Variants in ZSCAN9 observed in about 807,000 individuals in gnomAD.
ZSCAN9 encodes zinc finger and SCAN domain-containing protein 9.
ZSCAN9 carries 19 observed loss-of-function variants against 23.0 expected under a neutral mutation model. The observed-to-expected ratio is 0.83, with a 90% confidence interval of 0.58 to 1.21. ZSCAN9 has a LOEUF of 1.21. ZSCAN9 is among the 50% of genes most tolerant of loss of function. ZSCAN9 has a pLI of 0.00. For synonymous variants in ZSCAN9, 155 were observed against 164.8 expected (o/e 0.94, Z 0.46); for missense variants, 467 against 471.5 (o/e 0.99, Z 0.09).
At chr6:28,231,976 G>A (rs538746381) in intron 3 of ZSCAN9, among the ~76,000 whole-genome samples, 2 of 152,292 alleles carry the variant, frequency 1.3e-5, no homozygotes, top group Admixed American at 6.5e-5. Context: ...AGAGAGAGGT[G>A]TAAGGGAATA....
In ZSCAN9 at chr6:28,227,424, G is replaced by A. The variant is rs768832871; in HGVS notation, c.340G>A (p.Glu114Lys). The change falls in exon 2 of 4, where the codon GAA becomes AAA. Residue 114 changes from glutamate (E) to lysine (K), a missense_variant. Transcript: ENST00000252207. ...CAAGGAGCTCCAGGGCTGGGTGAGGGAACACTGTCCAGAGAGTGGAGAAGA... is the reference window on the plus strand; with the variant it reads ...CAAGGAGCTCCAGGGCTGGGTGAGGAAACACTGTCCAGAGAGTGGAGAAGA... ...LPKELQGWVR[E>K]HCPESGEEAV... 1 of 1,614,188 alleles carries A rather than the reference G, an allele frequency of 6.2e-7. No homozygotes were observed. Among genetic ancestry groups the A allele is most frequent in the Non-Finnish European group, 8.5e-7 (1 of 1,180,026 alleles).
At chr6:28,228,065 C>T in intron 3 of ZSCAN9, 1 of 697,712 alleles carries the variant, frequency 1.4e-6, no homozygotes, top group Non-Finnish European at 2.6e-6. Flanking sequence ...ATGCATGGTA[C>T]ATGAGGAAGG....
Position 28,227,166 on chromosome 6 carries a change from GA to G in ZSCAN9, c.84del (p.Ala29GlnfsTer12). 3 of 1,614,160 alleles carry G rather than the reference GA, an allele frequency of 1.9e-6. No homozygotes were observed. On this transcript the variant is annotated frameshift_variant, in exon 2 of 4. Coordinates refer to ENST00000252207, the MANE Select transcript of ZSCAN9 (RefSeq NM_006299.5). LOFTEE classifies it high-confidence loss of function. ...GGAAGAACTTCTGACAATGAAAGTG[GA>G]AGCAAAAAGTCACCTTCAATGGCAG... ...AWEELLTMKV[E>X]AKSHLQWQES...
Position 28,227,112 on chromosome 6 carries a change from TC to T in ZSCAN9, c.31del (p.Leu11TrpfsTer13). 1 of 1,614,192 alleles carries T rather than the reference TC, an allele frequency of 6.2e-7. No individual in the cohort carries two copies. The highest frequency in any genetic ancestry group is 8.5e-7 in the Non-Finnish European group (1 of 1,180,014). ...GAATACAAACTCAAAGGAGGTTTTA[TC>T]CCTGGGTGTTCAAGTTCCCGAGGCA... MNTNSKEVL[S>X]LGVQVPEAWE... On this transcript the variant is annotated frameshift_variant, in exon 2 of 4. Transcript: ENST00000252207. LOFTEE classifies it high-confidence loss of function.
At position 28,232,595 on chromosome 6, in the gene ZSCAN9, T is replaced by C; in HGVS notation, c.602T>C (p.Val201Ala). 1 of 1,614,050 alleles carries C rather than the reference T, an allele frequency of 6.2e-7. No individual in the cohort carries two copies. The highest frequency in any genetic ancestry group is 8.5e-7 in the Non-Finnish European group (1 of 1,179,938). The change falls in exon 4 of 4, where the codon GTG becomes GCG. Residue 201 changes from valine (V) to alanine (A), a missense_variant. Val to Ala is a moderately conservative substitution (Grantham distance 64). Transcript: ENST00000252207. The stretch of plus-strand genomic sequence containing the variant: ...ACCAAGACTGAGGACAGAGAGTTGG[T>C]GCTAAGGAAAGACTGTCCTAAGATA... ...EVTKTEDREL[V>A]LRKDCPKIVE... is the part of the protein sequence containing the mutation.
In ZSCAN9 at chr6:28,233,069, G is replaced by A. The variant is rs531822825; in HGVS notation, c.1076G>A (p.Ser359Asn). 2 of 1,614,154 alleles carry A rather than the reference G, an allele frequency of 1.2e-6. No individual in the cohort carries two copies. Among genetic ancestry groups the A allele is most frequent in the Non-Finnish European group, 1.7e-6 (2 of 1,180,014 alleles). The change falls in exon 4 of 4, where the codon AGC becomes AAC. Residue 359 changes from serine to asparagine, a missense_variant. Transcript: ENST00000252207. ...RRSFLIEHQR[S>N]HTGERPHQCI... is the part of the protein sequence containing the mutation. Reference sequence around the variant, plus strand: ...TCATTTCTCATTGAACATCAGAGAAGCCACACAGGGGAGCGACCTCACCAG... The same window carrying A: ...TCATTTCTCATTGAACATCAGAGAAACCACACAGGGGAGCGACCTCACCAG...
intron 3 of ZSCAN9, chr6:28,230,298 A>T (rs1760260933): frequency 6.8e-7 from 1 of 1,475,614 alleles, no homozygotes; most frequent in South Asian, 1.3e-5. Context: ...GAAATGTCTG[A>T]ATTTTTATAT....
At chr6:28,227,629 G>C in intron 2 of ZSCAN9, 61 bp from the exon 3 acceptor site, 4 of 1,579,044 alleles carry the variant, frequency 2.5e-6, no homozygotes, top group Non-Finnish European at 3.4e-6. Flanking sequence ...TTCTTTCTTG[G>C]AAGTGTTTAT....
chr6:28,226,119 A>T (rs1416358963), intron 1 of ZSCAN9, among the ~76,000 whole-genome samples: 1 of 152,186 alleles, frequency 6.6e-6, no homozygotes, highest in Non-Finnish European at 1.5e-5. Flanking sequence ...CCTGGCTTCC[A>T]TTTCTTATCT....
At position 28,227,106 on chromosome 6, in the gene ZSCAN9, G is replaced by A. The variant is rs1464614915; in HGVS notation, c.22G>A (p.Val8Ile). The change falls in exon 2 of 4, where the codon GTT becomes ATT. Residue 8 changes from valine (V) to isoleucine (I), a missense_variant. By Grantham distance (29) the Val-to-Ile change is conservative. Transcript: ENST00000252207. ...CAAGATGAATACAAACTCAAAGGAG[G>A]TTTTATCCCTGGGTGTTCAAGTTCC... is the stretch of plus-strand genomic sequence containing the variant. MNTNSKE[V>I]LSLGVQVPEA... 1 of 1,614,068 alleles carries A rather than the reference G, an allele frequency of 6.2e-7. No homozygotes were observed. Among genetic ancestry groups the A allele is most frequent in the South Asian group, 1.1e-5 (1 of 91,072 alleles).
At position 28,227,133 on chromosome 6, in the gene ZSCAN9, G is replaced by C. The variant is rs772958330; in HGVS notation, c.49G>C (p.Glu17Gln). 6.2e-7 allele frequency: 1 copy of C among 1,614,186 alleles called. No homozygotes were observed. The highest frequency in any genetic ancestry group is 8.5e-7 in the Non-Finnish European group (1 of 1,180,030). The change falls in exon 2 of 4, where the codon GAG becomes CAG. Residue 17 changes from glutamate to glutamine, a missense_variant. By Grantham distance (29) the Glu-to-Gln change is conservative (BLOSUM62 2). Coordinates refer to ENST00000252207, the MANE Select transcript of ZSCAN9 (RefSeq NM_006299.5). ...EVLSLGVQVP[E>Q]AWEELLTMKV... ...TTTATCCCTGGGTGTTCAAGTTCCC[G>C]AGGCATGGGAAGAACTTCTGACAAT...
intron 3 of ZSCAN9, chr6:28,230,637 C>A: frequency 1.5e-6 from 1 of 663,470 alleles, no homozygotes; most frequent in Non-Finnish European, 2.5e-6. Flanking sequence ...GCATGTTTCT[C>A]AGGAATAAAA....
intron 2 of ZSCAN9, 86 bp from the exon 3 acceptor site, chr6:28,227,604 T>C (rs2113648978): frequency 6.4e-7 from 1 of 1,572,390 alleles, no homozygotes; most frequent in South Asian, 1.2e-5. Flanking sequence ...GATAAAATAC[T>C]CTCTTCCTGT....
Position 28,227,250 on chromosome 6 carries a change from C to G in ZSCAN9, c.166C>G (p.Arg56Gly), listed in dbSNP as rs369779739. 5.6e-6 allele frequency: 9 copies of G among 1,614,090 alleles called. No individual in the cohort carries two copies. The highest frequency in any genetic ancestry group is 6.8e-6 in the Non-Finnish European group (8 of 1,180,040). Reference sequence around the variant, plus strand: ...AAGGGAAATCTTCCGAAGGCACTTTCGACAGCTGTGCTACCAAGAGACCCC... The same window carrying G: ...AAGGGAAATCTTCCGAAGGCACTTTGGACAGCTGTGCTACCAAGAGACCCC... ...LAREIFRRHF[R>G]QLCYQETPGP... The change falls in exon 2 of 4, where the codon CGA becomes GGA. Residue 56 changes from arginine to glycine, a missense_variant. Transcript: ENST00000252207.
intron 3 of ZSCAN9, among the ~76,000 whole-genome samples, chr6:28,231,472 C>T (rs1760298996): frequency 6.6e-6 from 1 of 152,110 alleles, no homozygotes; most frequent in African/African-American, 2.4e-5. Flanking sequence ...TTGTGCTGGG[C>T]GTGGTGGCTC....
At chr6:28,227,579 C>T in intron 2 of ZSCAN9, 75 bp downstream of exon 2, 1 of 1,565,108 alleles carries the variant, frequency 6.4e-7, no homozygotes, top group South Asian at 1.2e-5. Flanking sequence ...TGCTTTGTGT[C>T]TCCTTGACAT....
chr6:28,228,391 T>G (rs1390260758), intron 3 of ZSCAN9: 6 of 294,550 alleles, frequency 2.0e-5, no homozygotes, highest in Non-Finnish European at 3.8e-5. Flanking sequence ...GGCTTATAGA[T>G]GGCCATCTTC....
Position 28,232,878 on chromosome 6 carries a change from T to C in ZSCAN9, c.885T>C (p.Ser295=), listed in dbSNP as rs1760359871. The change falls in exon 4 of 4, where the codon TCT becomes TCC. Residue 295 remains serine (S), a synonymous_variant. Coordinates refer to ENST00000252207, the MANE Select transcript of ZSCAN9 (RefSeq NM_006299.5). ...NECGKAFSRS[S]GLFNHRGIHN... ...GTGGGAAAGCCTTCAGTCGAAGTTC[T>C]GGTCTTTTTAATCACCGAGGAATCC... 2 of 1,614,098 alleles carry C rather than the reference T, an allele frequency of 1.2e-6. No homozygotes were observed. Among genetic ancestry groups the C allele is most frequent in the Admixed American group, 3.3e-5 (2 of 60,006 alleles).
At position 28,228,122 on chromosome 6, in the gene ZSCAN9, G is replaced by A. The variant is rs983181443; in HGVS notation, c.568+285G>A. 7 of 670,232 alleles carry A rather than the reference G, an allele frequency of 1.0e-5. No homozygotes were observed. The African/African-American group carries it at 1.1e-4, about 10-fold the overall frequency. 41.5% of individuals were successfully genotyped at this position (670,232 alleles called of 1,614,324 possible). The stretch of plus-strand genomic sequence containing the variant: ...CACAGCTTCAGAGAATGGACTTCAA[G>A]GTTTGACAGACAGGTTCAGATCCTG... On this transcript the variant is annotated intron_variant, in intron 3 of 3. Coordinates refer to ENST00000252207, the MANE Select transcript of ZSCAN9 (RefSeq NM_006299.5).
Sources: allele counts gnomAD v4.1 joint callset (sites outside exome capture counted in the v4.1 genomes callset), GRCh38; gene constraint gnomAD v4.1.1; transcripts MANE v1.5; gene names NCBI Gene and HGNC (gene_info 2026-07-23, HGNC 2026-07-21).